PIK3R1: variants seen among roughly 807,000 people sequenced by gnomAD.
PIK3R1 encodes the protein phosphatidylinositol 3-kinase regulatory subunit alpha.
In PIK3R1, 29 loss-of-function variants were observed where a neutral mutation model predicts 98.0. That is an observed-to-expected ratio of 0.30 (90% confidence interval 0.22 to 0.40). PIK3R1 has a LOEUF of 0.40. PIK3R1 is among the 10% of genes least tolerant of loss of function. The probability of loss-of-function intolerance (pLI) is 1.00; values close to 1 mark genes in which losing one functional copy is unlikely to be tolerated. For missense variants in PIK3R1, 596 were observed against 872.7 expected (o/e 0.68, Z 3.99); for synonymous variants, 282 against 311.8 (o/e 0.90, Z 1.01).
intron 4 of PIK3R1, among the ~76,000 whole-genome samples, chr5:68,276,021 T>C (rs569470085): frequency 3.9e-5 from 6 of 152,328 alleles, no homozygotes; most frequent in African/African-American, 7.2e-5. Flanking sequence ...AATAATTTCT[T>C]TCACATTTTT....
At chr5:68,279,068 C>T (rs950063665) in intron 4 of PIK3R1, among the ~76,000 whole-genome samples, 2 of 152,296 alleles carry the variant, frequency 1.3e-5, no homozygotes, top group African/African-American at 2.4e-5. Context: ...ATCCTCACAG[C>T]GTTTCTCCTC....
chr5:68,265,174 G>A (rs960671820), intron 2 of PIK3R1, among the ~76,000 whole-genome samples: 28 of 152,080 alleles, frequency 1.8e-4, no homozygotes, highest in Admixed American at 9.8e-4. Context: ...ACTGCACCCC[G>A]ACCTCCTGAA....
At chr5:68,296,090 G>T (rs1747698073) in intron 14 of PIK3R1, 81 bp from the exon 15 acceptor site, 2 of 1,371,706 alleles carry the variant, frequency 1.5e-6, no homozygotes, top group South Asian at 2.6e-5. Context: ...GAAGTGACGG[G>T]GGTATGCCTA....
chr5:68,220,247 T>C (rs1482317053), intron 1 of PIK3R1, among the ~76,000 whole-genome samples: 30 of 152,186 alleles, frequency 2.0e-4, no homozygotes. Context: ...AATCTGAAGC[T>C]CAGTGTTCAT....
chr5:68,234,069 G>T (rs1350345550), intron 2 of PIK3R1, among the ~76,000 whole-genome samples: 1 of 152,194 alleles, frequency 6.6e-6, no homozygotes, highest in African/African-American at 2.4e-5. Flanking sequence ...TGATATCCAA[G>T]ATCGTAAAGA....
chr5:68,235,336 G>A (rs1744624202), intron 2 of PIK3R1, among the ~76,000 whole-genome samples: 1 of 152,056 alleles, frequency 6.6e-6, no homozygotes, highest in South Asian at 2.1e-4. Flanking sequence ...CTGGGAGGCA[G>A]AGGTTGCAGT....
chr5:68,252,373 A>AG, intron 2 of PIK3R1, among the ~76,000 whole-genome samples: 1 of 3,206 alleles, frequency 3.1e-4, no homozygotes, highest in East Asian at 3.3e-3. Flanking sequence ...CTGAATTTAC[A>AG]AAAAAAAAAA....
rs527748197 is a variant in PIK3R1, at chr5:68,297,522, A to G, written c.2096A>G (p.Gln699Arg). ...SSLKELVLHY[Q>R]HTSLVQHNDS... ...CTGAAAGAACTGGTGCTACATTACC[A>G]ACACACCTCCCTTGTGCAGCACAAC... Residue 699 changes from glutamine to arginine, a missense_variant, in exon 16 of 16, where the codon CAA becomes CGA. Transcript: ENST00000521381. 5 of 1,614,196 alleles carry G rather than the reference A, an allele frequency of 3.1e-6. No individual in the cohort carries two copies. In the South Asian group the frequency reaches 3.3e-5, roughly 11 times the overall value.
chr5:68,223,273 A>G (rs920343281), intron 1 of PIK3R1, among the ~76,000 whole-genome samples: 2 of 152,120 alleles, frequency 1.3e-5, no homozygotes, highest in Non-Finnish European at 2.9e-5. Flanking sequence ...ACAATGTGCA[A>G]AAGAGTAGGG....
intron 2 of PIK3R1, among the ~76,000 whole-genome samples, chr5:68,228,942 A>G (rs1405654467): frequency 6.6e-6 from 1 of 151,948 alleles, no homozygotes; most frequent in Non-Finnish European, 1.5e-5. Flanking sequence ...TTGCTTTCTC[A>G]TGTAATGTGA....
chr5:68,251,869 G>C (rs985338761), intron 2 of PIK3R1, among the ~76,000 whole-genome samples: 1 of 152,110 alleles, frequency 6.6e-6, no homozygotes, highest in African/African-American at 2.4e-5. Flanking sequence ...GTTGTGTAGG[G>C]CCCTCACCCG....
At chr5:68,248,315 A>C (rs188789316) in intron 2 of PIK3R1, among the ~76,000 whole-genome samples, 1 of 152,262 alleles carries the variant, frequency 6.6e-6, no homozygotes, top group East Asian at 1.9e-4. Context: ...TTTCCCCACT[A>C]TCTGGATAGA....
At chr5:68,262,923 A>G (rs1241814776) in intron 2 of PIK3R1, among the ~76,000 whole-genome samples, 1 of 104,156 alleles carries the variant, frequency 9.6e-6, no homozygotes, top group Non-Finnish European at 2.0e-5. Flanking sequence ...ACATGTAGAT[A>G]CATGTATACA....
chr5:68,251,294 C>A (rs1745296986), intron 2 of PIK3R1, among the ~76,000 whole-genome samples: 2 of 152,062 alleles, frequency 1.3e-5, no homozygotes, highest in Non-Finnish European at 2.9e-5. Context: ...AAACACTTTG[C>A]AGCACATCTC....
chr5:68,225,036 G>A (rs1744223640), intron 1 of PIK3R1, among the ~76,000 whole-genome samples: 1 of 152,246 alleles, frequency 6.6e-6, no homozygotes. Flanking sequence ...TCTGCGTGAT[G>A]ATTCCATCAT....
At chr5:68,287,771 G>C (rs145076309) in intron 7 of PIK3R1, among the ~76,000 whole-genome samples, 37 of 152,292 alleles carry the variant, frequency 2.4e-4, no homozygotes, top group African/African-American at 8.4e-4. Context: ...ATTTAAATGC[G>C]AGTTGCAATC....
At chr5:68,222,183 A>T (rs1053660320) in intron 1 of PIK3R1, among the ~76,000 whole-genome samples, 4 of 152,200 alleles carry the variant, frequency 2.6e-5, no homozygotes, top group African/African-American at 9.7e-5. Context: ...GGCATGATAG[A>T]GTGAATCTGA....
chr5:68,257,918 ACTTC>A, intron 2 of PIK3R1, among the ~76,000 whole-genome samples: 1 of 152,316 alleles, frequency 6.6e-6, no homozygotes, highest in South Asian at 2.1e-4. Context: ...ACTGCTTGCC[ACTTC>A]CAGTTTCTGA....
rs759980362 is a variant in PIK3R1, at chr5:68,295,482, C to T, written c.1808C>T (p.Thr603Ile). Residue 603 changes from threonine to isoleucine, a missense_variant, in exon 14 of 16, where the codon ACT (threonine) becomes ATT (isoleucine). Physicochemically the swap from Thr to Ile is moderately conservative, Grantham distance 89. Coordinates refer to ENST00000521381, the MANE Select transcript of PIK3R1 (RefSeq NM_181523.3). ...KLNEWLGNEN[T>I]EDQYSLVEDD... The stretch of plus-strand genomic sequence containing the variant: ...AACGAGTGGTTGGGCAATGAAAACA[C>T]TGAAGAGTAAGTAGTTACTAAAGAT... The T allele has an allele frequency of 1.2e-6, 2 of 1,613,610 alleles. No homozygotes were observed. The highest frequency in any genetic ancestry group is 1.7e-6 in the Non-Finnish European group (2 of 1,179,520).
Sources: gnomAD v4.1 joint callset for allele counts (sites outside exome capture counted in the v4.1 genomes callset) on GRCh38, gnomAD v4.1.1 for gene constraint, MANE v1.5 for transcripts, NCBI Gene and HGNC (gene_info 2026-07-23, HGNC 2026-07-21) for gene names.